The following METTL3 variants were observed in gnomAD, a reference collection of about 807,000 sequenced individuals.
METTL3 encodes the protein methyltransferase 3, N6-adenosine-methyltransferase complex catalytic subunit.
Under a neutral mutation model 64.3 loss-of-function variants are expected in METTL3, and 42 were observed. The observed-to-expected ratio is 0.65, with a 90% confidence interval of 0.51 to 0.84. The LOEUF (loss-of-function observed/expected upper bound fraction) is 0.84. Among genes scored for constraint, METTL3 ranks in the 40% least tolerant of loss-of-function variants. The pLI, the probability that METTL3 is intolerant of heterozygous loss-of-function variation, is 0.00. For synonymous variants in METTL3, 256 were observed against 263.6 expected, an observed-to-expected ratio of 0.97 and a Z score of 0.28; for missense variants, 435 against 722.3, an observed-to-expected ratio of 0.60 and a Z score of 4.56.
At position 21,501,116 on chromosome 14, in the gene METTL3, T is replaced by C; in HGVS notation, c.913A>G (p.Lys305Glu). The change falls in exon 5 of 11, where the codon AAA (lysine) becomes GAA (glutamate). Residue 305 changes from lysine to glutamate, a missense_variant. By Grantham distance (56) the Lys-to-Glu change is moderately conservative. Coordinates refer to ENST00000298717, the MANE Select transcript of METTL3 (RefSeq NM_019852.5). ...RKLHFRRIINKHTDESLGDCS... is the reference protein window; with the variant it reads ...RKLHFRRIINEHTDESLGDCS... ...TCACCTAAAGACTCATCAGTGTGTT[T>C]ATTGATAATTCGTCTGGGAAAATAA... 6.2e-7 allele frequency: 1 copy of C among 1,612,378 alleles called. No individual in the cohort carries two copies. Among genetic ancestry groups the C allele is most frequent in the East Asian group, 2.2e-5 (1 of 44,858 alleles).
chr14:21,498,413 T>G (rs749980735), intron 10 of METTL3, 44 bp from the exon 11 acceptor site: 3 of 1,592,354 alleles, frequency 1.9e-6, no homozygotes, highest in Non-Finnish European at 1.7e-6. Flanking sequence ...ATCCTGGAAT[T>G]AGAGGGTTTA....
Position 21,511,322 on chromosome 14 carries a change from C to A in METTL3, c.-99G>T, listed in dbSNP as rs1048529735. 1.6e-5 allele frequency: 23 copies of A among 1,479,326 alleles called. No homozygotes were observed. Among genetic ancestry groups the A allele is most frequent in the Non-Finnish European group, 2.0e-5 (22 of 1,110,172 alleles). The allele number at this position is 1,479,326 out of a possible 1,614,324, so 91.6% of individuals were successfully genotyped here. On this transcript the variant is annotated 5_prime_UTR_variant, in exon 1 of 11. Transcript: ENST00000298717. ...ATAGCCAATTCTCACGCGGACACCC[C>A]GAAGGCTAACCGGAAAATGACCCCT...
chr14:21,501,118 T>C lies in METTL3; in HGVS notation c.911A>G (p.Asn304Ser), dbSNP rs1280808125. 2.5e-6 allele frequency: 4 copies of C among 1,612,064 alleles called. No homozygotes were observed. Among genetic ancestry groups the C allele is most frequent in the Non-Finnish European group, 3.4e-6 (4 of 1,178,742 alleles). Residue 304 changes from asparagine (N) to serine (S), a missense_variant, in exon 5 of 11, where the codon AAT becomes AGT. Asn to Ser is a conservative substitution (Grantham distance 46). Transcript: ENST00000298717. Reference sequence around the variant, plus strand: ...ACCTAAAGACTCATCAGTGTGTTTATTGATAATTCGTCTGGGAAAATAAAA... The same window carrying C: ...ACCTAAAGACTCATCAGTGTGTTTACTGATAATTCGTCTGGGAAAATAAAA... ...CRKLHFRRII[N>S]KHTDESLGDC...
intron 1 of METTL3, among the ~76,000 whole-genome samples, chr14:21,506,693 T>A (rs1272522112): frequency 6.6e-6 from 1 of 152,172 alleles, no homozygotes; most frequent in Non-Finnish European, 1.5e-5. Flanking sequence ...GAACAAAATG[T>A]GTTATATACA....
intron 5 of METTL3, 83 bp downstream of exon 5, chr14:21,500,820 TTGCTGAATTA>T: frequency 4.9e-6 from 7 of 1,432,528 alleles, no homozygotes; most frequent in Non-Finnish European, 6.7e-6. Context: ...CAAGACAAGA[TTGCTGAATTA>T]TGCTCTGCTT....
At chr14:21,499,850 T>C (rs1566490776) in intron 6 of METTL3, 48 bp from the exon 7 acceptor site, 7 of 1,577,184 alleles carry the variant, frequency 4.4e-6, no homozygotes, top group East Asian at 2.2e-5. Flanking sequence ...ATATTTTTTT[T>C]CCCTTCAAAA....
intron 6 of METTL3, among the ~76,000 whole-genome samples, 177 bp from the exon 7 acceptor site, chr14:21,499,979 AACCTT>A (rs1891518636): frequency 6.6e-6 from 1 of 152,212 alleles, no homozygotes; most frequent in African/African-American, 2.4e-5. Flanking sequence ...TATGCTCAAC[AACCTT>A]ACCTTTCTCA....
chr14:21,501,570 A>G (rs1309675346), intron 4 of METTL3, 158 bp downstream of exon 4: 4 of 888,490 alleles, frequency 4.5e-6, no homozygotes, highest in Non-Finnish European at 6.8e-6. Context: ...CTTCCCACAC[A>G]ATGCACTTCT....
At chr14:21,510,897 C>G (rs1230747212) in intron 1 of METTL3, 2 of 513,038 alleles carry the variant, frequency 3.9e-6, no homozygotes, top group Non-Finnish European at 6.9e-6. Flanking sequence ...CTCAAGCGTC[C>G]GTCCGGTAAA....
Position 21,501,100 on chromosome 14 carries a change from G to A in METTL3, c.929C>T (p.Ser310Phe). ...ATTAAGGAAAGAGCAGTCACCTAAA[G>A]ACTCATCAGTGTGTTTATTGATAAT... ...RRIINKHTDE[S>F]LGDCSFLNTC... The change falls in exon 5 of 11, where the codon TCT (serine) becomes TTT (phenylalanine). Residue 310 changes from serine (S) to phenylalanine (F), a missense_variant. Coordinates refer to ENST00000298717, the MANE Select transcript of METTL3 (RefSeq NM_019852.5). The A allele has an allele frequency of 6.2e-7, 1 of 1,613,702 alleles. No individual in the cohort carries two copies. Among genetic ancestry groups the A allele is most frequent in the East Asian group, 2.2e-5 (1 of 44,888 alleles).
chr14:21,498,418 G>A (rs1342511966), intron 10 of METTL3, 49 bp from the exon 11 acceptor site: 7 of 1,570,552 alleles, frequency 4.5e-6, no homozygotes, highest in East Asian at 2.2e-5. Flanking sequence ...GGAATTAGAG[G>A]GTTTAATATT....
chr14:21,510,035 AC>A (rs1474920002), intron 1 of METTL3, among the ~76,000 whole-genome samples: 5 of 152,170 alleles, frequency 3.3e-5, no homozygotes, highest in African/African-American at 1.2e-4. Flanking sequence ...TGATGGCTTC[AC>A]TACCTACACC....
Position 21,511,318 on chromosome 14 carries a change from A to T in METTL3, c.-95T>A. The T allele has an allele frequency of 6.7e-7, 1 of 1,493,612 alleles. No homozygotes were observed. The highest frequency in any genetic ancestry group is 9.0e-7 in the Non-Finnish European group (1 of 1,116,622). The allele number at this position is 1,493,612 out of a possible 1,614,324, so 92.5% of individuals were successfully genotyped here. ...GGATATAGCCAATTCTCACGCGGAC[A>T]CCCCGAAGGCTAACCGGAAAATGAC... On this transcript the variant is annotated 5_prime_UTR_variant, in exon 1 of 11. Coordinates refer to ENST00000298717, the MANE Select transcript of METTL3 (RefSeq NM_019852.5).
At chr14:21,501,244 G>T in intron 4 of METTL3, 115 bp from the exon 5 acceptor site, 1 of 787,420 alleles carries the variant, frequency 1.3e-6, no homozygotes, top group South Asian at 1.8e-5. Context: ...TCTATCATTA[G>T]AGCTTCCTTC....
At chr14:21,502,011 A>AATTT in intron 3 of METTL3, 108 bp from the exon 4 acceptor site, 2 of 725,552 alleles carry the variant, frequency 2.8e-6, no homozygotes, top group Non-Finnish European at 4.1e-6. Context: ...AGATAAATCA[A>AATTT]CTTTTTTTTT....
chr14:21,503,363 C>A lies in METTL3; in HGVS notation c.533G>T (p.Arg178Leu). ...TGTAGTCGAGTCCTGTTCTGCACGCCGCTTCTGCCCTGTGACAGTCCCTGC... is the reference window on the plus strand; with the variant it reads ...TGTAGTCGAGTCCTGTTCTGCACGCAGCTTCTGCCCTGTGACAGTCCCTGC... ...EVAGTVTGQK[R>L]RAEQDSTTVA... The change falls in exon 3 of 11, where the codon CGG becomes CTG. Residue 178 changes from arginine (R) to leucine (L), a missense_variant. Arg to Leu is a moderately radical substitution (Grantham distance 102). This residue lies in a region of METTL3 where 228 missense variants were observed against 279.6 expected (regional missense o/e 0.82). Transcript: ENST00000298717. 3.7e-6 allele frequency: 6 copies of A among 1,614,160 alleles called. No homozygotes were observed. The highest frequency in any genetic ancestry group is 5.1e-6 in the Non-Finnish European group (6 of 1,180,030).
chr14:21,498,786 G>C, intron 10 of METTL3: 1 of 511,858 alleles, frequency 2.0e-6, no homozygotes, highest in South Asian at 2.5e-5. Flanking sequence ...GAAGATCCTT[G>C]GGTTGTGAAG....
chr14:21,500,374 A>G, intron 6 of METTL3, 121 bp downstream of exon 6: 3 of 1,025,176 alleles, frequency 2.9e-6, no homozygotes, highest in Non-Finnish European at 4.3e-6. Flanking sequence ...AAAAAAAGAA[A>G]AAAAGACTAA....
At chr14:21,498,965 T>G (rs1061026) in intron 10 of METTL3, 60 bp downstream of exon 10, 174,318 of 1,168,536 alleles carry the variant, frequency 0.15, 14,455 homozygotes, top group Admixed American at 0.3. Context: ...TCTACTAAGT[T>G]CTGTCCTTAA....
Sources: gnomAD v4.1 joint callset for allele counts (sites outside exome capture counted in the v4.1 genomes callset) on GRCh38, gnomAD v4.1.1 for gene constraint, gnomAD v4.1.1 regional missense constraint, MANE v1.5 for transcripts, NCBI Gene and HGNC (gene_info 2026-07-23, HGNC 2026-07-21) for gene names.